BRI3: variants seen among roughly 807,000 people sequenced by gnomAD.
BRI3 encodes brain protein I3.
In BRI3, 6 loss-of-function variants were observed where a neutral mutation model predicts 12.8. That is an observed-to-expected ratio of 0.47 (90% CI 0.26 to 0.93). BRI3 has a LOEUF of 0.93. BRI3 is among the 40% of genes least tolerant of loss of function. The pLI is 0.15. For missense variants in BRI3, 134 were observed against 171.1 expected (o/e 0.78, Z 1.21); for synonymous variants, 91 against 76.1 (o/e 1.20, Z -1.02).
downstream of BRI3, chr7:98,292,919 C>T: frequency 7.1e-7 from 1 of 1,398,664 alleles, no homozygotes; most frequent in South Asian, 1.6e-5. Context: ...TAAGGGCAGG[C>T]AAAGCGTCTT....
chr7:98,316,284 A>T, the BRI3 span, among the ~76,000 whole-genome samples: 1 of 151,926 alleles, frequency 6.6e-6, no homozygotes, highest in African/African-American at 2.4e-5. Flanking sequence ...TCTTTTGTAA[A>T]TTGCCCAGTC....
chr7:98,287,560 C>T (rs115435150), intron 2 of BRI3, among the ~76,000 whole-genome samples: 2,480 of 152,292 alleles, frequency 0.016, 74 homozygotes, highest in African/African-American at 0.057. Context: ...GCTGGGCTGG[C>T]GCTGCTGGAA....
upstream of BRI3, among the ~76,000 whole-genome samples, chr7:98,306,217 C>T (rs184238542): frequency 4.5e-4 from 69 of 152,196 alleles, no homozygotes; most frequent in African/African-American, 1.5e-3. Context: ...TGCAGGACTG[C>T]GAGGAGTAGG....
At chr7:98,322,846 C>T in the BRI3 span, 1 of 152,322 alleles carries the variant, frequency 6.6e-6, no homozygotes, top group Non-Finnish European at 1.5e-5. Context: ...ATGTCGCTCC[C>T]CTGCTCCCGC....
Position 98,291,370 on chromosome 7 carries a change from A to G in BRI3, c.*127A>G. The G allele has an allele frequency of 6.7e-7, 1 of 1,496,230 alleles. No homozygotes were observed. Among genetic ancestry groups the G allele is most frequent in the African/African-American group, 1.4e-5 (1 of 71,432 alleles). 92.7% of individuals were successfully genotyped at this position (1,496,230 alleles called of 1,614,324 possible). A position where few individuals can be genotyped will look rare whatever the true frequency, so the allele number is the denominator to read the frequency against. On this transcript the variant is annotated 3_prime_UTR_variant, in exon 3 of 3. Transcript: ENST00000297290. ...AAGCGAGGTGGGACCGATGTGGCAC[A>G]CGCCAGCTGCGGTTTCCCGGAGCGT...
the BRI3 span, chr7:98,315,619 AAAAAAAAATAAT>A: frequency 1.3e-6 from 1 of 782,230 alleles, no homozygotes; most frequent in Non-Finnish European, 1.7e-6. Context: ...CATACTAAAA[AAAAAAAAATAAT>A]AATAATAATA....
downstream of BRI3, chr7:98,292,314 CG>C: frequency 3.0e-6 from 1 of 338,576 alleles, no homozygotes; most frequent in Non-Finnish European, 5.6e-6. Flanking sequence ...CTCTGCCTCC[CG>C]GGTTCAAGTG....
exon 2 of BRI3, chr7:98,307,664 C>T (rs370945356): frequency 2.7e-5 from 43 of 1,612,204 alleles, no homozygotes; most frequent in Middle Eastern, 1.9e-4. Flanking sequence ...TGGTGCCCTG[C>T]GGGGACCATC....
At chr7:98,294,504 C>T (rs984065155), downstream of BRI3, among the ~76,000 whole-genome samples, 1 of 152,136 alleles carries the variant, frequency 6.6e-6, no homozygotes, top group South Asian at 2.1e-4. Flanking sequence ...CCCGTGATGT[C>T]GGGAGCTCAC....
the BRI3 span, among the ~76,000 whole-genome samples, chr7:98,322,689 G>A: frequency 6.6e-6 from 1 of 152,088 alleles, no homozygotes; most frequent in Non-Finnish European, 1.5e-5. Flanking sequence ...GTCCCACCAC[G>A]TGGGCTTTCG....
At chr7:98,282,524 C>A in intron 2 of BRI3, 71 bp downstream of exon 2, 2 of 1,286,018 alleles carry the variant, frequency 1.6e-6, no homozygotes, top group Non-Finnish European at 2.2e-6. Context: ...CCCAGGACCT[C>A]ACAGCTCTGC....
At chr7:98,283,230 G>T (rs774979003) in intron 2 of BRI3, among the ~76,000 whole-genome samples, 20 of 152,082 alleles carry the variant, frequency 1.3e-4, no homozygotes, top group Non-Finnish European at 2.6e-4. Flanking sequence ...GCTGTGTCTC[G>T]GAGGAGGAAG....
intron 2 of BRI3, 31 bp from the exon 3 acceptor site, chr7:98,291,080 G>T: frequency 6.2e-7 from 1 of 1,613,506 alleles, no homozygotes; most frequent in South Asian, 1.1e-5. Context: ...GGTCCTTACG[G>T]TGCCACCCTC....
exon 2 of BRI3, chr7:98,307,889 G>A (rs11540936): frequency 0.018 from 28,934 of 1,614,094 alleles, 512 homozygotes; most frequent in African/African-American, 0.087. Context: ...TGGGATCTTC[G>A]GAAGTACCTG....
upstream of BRI3, chr7:98,306,297 G>T (rs1374397064): frequency 4.0e-6 from 4 of 1,001,690 alleles, no homozygotes; most frequent in Non-Finnish European, 6.1e-6. Flanking sequence ...ACAGCACTGT[G>T]AGCCGCGGTC....
chr7:98,302,114 C>T (rs1800453762), upstream of BRI3, among the ~76,000 whole-genome samples: 1 of 152,222 alleles, frequency 6.6e-6, no homozygotes, highest in Non-Finnish European at 1.5e-5. Context: ...GTCACCTTTC[C>T]ACTCCCCAGT....
In BRI3 at chr7:98,281,957, T is replaced by C. The variant is rs1393998162; in HGVS notation, c.142+20T>C. ...TCACAGGTGGGCCCGTAACCAACTTTCCCCGCCGGCGGCTTCCGAGGTGGC... is the reference window on the plus strand; with the variant it reads ...TCACAGGTGGGCCCGTAACCAACTTCCCCCGCCGGCGGCTTCCGAGGTGGC... On this transcript the variant is annotated intron_variant, in intron 1 of 2. Coordinates refer to ENST00000297290, the MANE Select transcript of BRI3 (RefSeq NM_015379.5). 1.6e-6 allele frequency: 2 copies of C among 1,289,354 alleles called. No individual in the cohort carries two copies. Among genetic ancestry groups the C allele is most frequent in the South Asian group, 2.4e-5 (1 of 41,080 alleles). The allele number at this position is 1,289,354 out of a possible 1,614,324, so 79.9% of individuals were successfully genotyped here.
chr7:98,296,070 T>G (rs6970990), downstream of BRI3, among the ~76,000 whole-genome samples: 58,085 of 151,500 alleles, frequency 0.38, 12,684 homozygotes, highest in Middle Eastern at 0.54. Flanking sequence ...CGCCCGTCAA[T>G]GGGAGAGTCA....
chr7:98,292,926 T>C, downstream of BRI3: 1 of 1,376,284 alleles, frequency 7.3e-7, no homozygotes, highest in Admixed American at 3.1e-5. Flanking sequence ...AGGCAAAGCG[T>C]CTTAGCACTC....
Sources: allele counts gnomAD v4.1 joint callset (sites outside exome capture counted in the v4.1 genomes callset), GRCh38; gene constraint gnomAD v4.1.1; transcripts MANE v1.5; gene names NCBI Gene and HGNC (gene_info 2026-07-23, HGNC 2026-07-21).